Variants in REEP5 observed in about 807,000 individuals in gnomAD.
REEP5 encodes receptor accessory protein 5, also known as receptor expression-enhancing protein 5.
In REEP5, 24 loss-of-function variants were observed where a neutral mutation model predicts 22.4. The observed-to-expected ratio is 1.07, with a 90% CI of 0.78 to 1.51. The LOEUF (loss-of-function observed/expected upper bound fraction) is 1.51. REEP5 is among the 40% of genes most tolerant of loss of function. The pLI is 0.00. For synonymous variants in REEP5, 103 were observed against 88.6 expected (o/e 1.16, Z -0.92); for missense variants, 252 against 233.0 (o/e 1.08, Z -0.53).
intron 2 of REEP5, among the ~76,000 whole-genome samples, chr5:112,907,558 CTG>C (rs989377518): frequency 3.3e-5 from 5 of 152,142 alleles, no homozygotes; most frequent in African/African-American, 1.2e-4. Flanking sequence ...GTTGGCAAAA[CTG>C]TGGCAGCAGC....
intron 2 of REEP5, among the ~76,000 whole-genome samples, chr5:112,919,589 A>C (rs867832446): frequency 2.6e-5 from 4 of 152,260 alleles, no homozygotes; most frequent in African/African-American, 9.6e-5. Flanking sequence ...AACAGGCATG[A>C]GAGCTCTGCC....
chr5:112,891,817 GAAC>G (rs759338936), intron 3 of REEP5: 14 of 1,588,946 alleles, frequency 8.8e-6, no homozygotes, highest in African/African-American at 2.7e-5. Flanking sequence ...TTTTATTGAA[GAAC>G]AACAACTAGA....
Position 112,877,317 on chromosome 5 carries a change from A to T in REEP5, c.*1469T>A, listed in dbSNP as rs1767927857. 1 of 152,218 alleles carries T rather than the reference A, an allele frequency of 6.6e-6. No individual in the cohort carries two copies. The allele number at this position is 152,218 out of a possible 1,614,324, so 9.4% of individuals were successfully genotyped here. ...TAATCATCTTTATTTGCCTTAAAAA[A>T]TACTGTACTGGCTGGATATTTAATC... On this transcript the variant is annotated 3_prime_UTR_variant, in exon 5 of 5. Transcript: ENST00000379638.
intron 3 of REEP5, among the ~76,000 whole-genome samples, chr5:112,891,212 A>G (rs1166217697): frequency 1.3e-5 from 2 of 152,082 alleles, no homozygotes; most frequent in Non-Finnish European, 2.9e-5. Context: ...AGCTGGGATT[A>G]CAGGCACGTG....
At position 112,877,312 on chromosome 5, in the gene REEP5, A is replaced by T. The variant is rs959664439; in HGVS notation, c.*1474T>A. The T allele has an allele frequency of 6.6e-6, 1 of 152,136 alleles. No individual in the cohort carries two copies. The highest frequency in any genetic ancestry group is 1.5e-5 in the Non-Finnish European group (1 of 68,034). The allele number at this position is 152,136 out of a possible 1,614,324, so 9.4% of individuals were successfully genotyped here. Reference sequence around the variant, plus strand: ...TGAGCTAATCATCTTTATTTGCCTTAAAAAATACTGTACTGGCTGGATATT... The same window carrying T: ...TGAGCTAATCATCTTTATTTGCCTTTAAAAATACTGTACTGGCTGGATATT... On this transcript the variant is annotated 3_prime_UTR_variant, in exon 5 of 5. Coordinates refer to ENST00000379638, the MANE Select transcript of REEP5 (RefSeq NM_005669.5).
At chr5:112,881,083 C>G (rs1292718843) in intron 4 of REEP5, among the ~76,000 whole-genome samples, 2 of 124,604 alleles carry the variant, frequency 1.6e-5, no homozygotes, top group African/African-American at 6.3e-5. Context: ...GAGCTGAGAT[C>G]ATGCTACTGC....
intron 2 of REEP5, among the ~76,000 whole-genome samples, chr5:112,917,097 G>A (rs1769247535): frequency 6.6e-6 from 1 of 152,200 alleles, no homozygotes; most frequent in Non-Finnish European, 1.5e-5. Context: ...TTTCAAAAGT[G>A]TTGTTAAAGA....
In REEP5 at chr5:112,886,998, T is replaced by C. The variant is rs753959246; in HGVS notation, c.520+17A>G. ...ATCTCCTCTCACATGTGGGGCCATC[T>C]TGTTCCTGAGTCTTACCTTCTTTAG... On this transcript the variant is annotated intron_variant, in intron 4 of 4. Transcript: ENST00000379638. The C allele has an allele frequency of 6.3e-6, 10 of 1,575,640 alleles. No individual in the cohort carries two copies. The East Asian group carries it at 1.8e-4, about 29-fold the overall frequency.
At chr5:112,904,854 T>G (rs1768920047) in intron 2 of REEP5, among the ~76,000 whole-genome samples, 1 of 152,188 alleles carries the variant, frequency 6.6e-6, no homozygotes, top group African/African-American at 2.4e-5. Flanking sequence ...AATTCATATC[T>G]ACAATATGAA....
chr5:112,917,595 G>A (rs1463192652), intron 2 of REEP5, among the ~76,000 whole-genome samples: 2 of 152,024 alleles, frequency 1.3e-5, no homozygotes, highest in Non-Finnish European at 2.9e-5. Context: ...TTTGTACAAA[G>A]GAGCAAGTAC....
In REEP5 at chr5:112,921,235, A is replaced by T. The variant is rs1299487950; in HGVS notation, c.140T>A (p.Leu47Ter). 1 of 1,614,066 alleles carries T rather than the reference A, an allele frequency of 6.2e-7. No homozygotes were observed. The highest frequency in any genetic ancestry group is 2.2e-5 in the East Asian group (1 of 44,892). The change falls in exon 2 of 5, where the codon TTG (leucine) becomes TAG (stop). Residue 47 changes from leucine to a stop codon, truncating the protein, a stop_gained. Coordinates refer to ENST00000379638, the MANE Select transcript of REEP5 (RefSeq NM_005669.5). LOFTEE classifies it high-confidence loss of function. ...GGCTCCATAACCGAACACCAGGTAC[A>T]AGGCCACCAGTCCGATGACACCTGG... ...IALGVIGLVA[L>*]YLVFGYGASL... is the part of the protein sequence containing the mutation.
intron 3 of REEP5, among the ~76,000 whole-genome samples, chr5:112,887,425 G>A (rs1031446456): frequency 3.9e-5 from 6 of 152,196 alleles, no homozygotes; most frequent in Admixed American, 3.3e-4. Flanking sequence ...CCAGGTCCAG[G>A]AGCTTAACTA....
intron 4 of REEP5, among the ~76,000 whole-genome samples, chr5:112,884,858 GCCTA>G (rs1200552250): frequency 6.7e-6 from 1 of 149,912 alleles, no homozygotes; most frequent in Non-Finnish European, 1.5e-5. Context: ...CAATTTTACT[GCCTA>G]TCTCTCAACT....
At chr5:112,921,093 G>T (rs1221779263) in intron 2 of REEP5, 70 bp downstream of exon 2, 40 of 1,457,554 alleles carry the variant, frequency 2.7e-5, no homozygotes. Context: ...CGGATGTGCA[G>T]TCTACTGCAG....
chr5:112,900,898 T>C (rs1768825508), intron 3 of REEP5, among the ~76,000 whole-genome samples: 1 of 151,980 alleles, frequency 6.6e-6, no homozygotes, highest in Non-Finnish European at 1.5e-5. Context: ...AGTGCAGTAG[T>C]GTGATCTCGG....
chr5:112,888,539 C>T (rs74665787), intron 3 of REEP5, among the ~76,000 whole-genome samples: 4,071 of 150,068 alleles, frequency 0.027, 155 homozygotes, highest in East Asian at 0.13. Flanking sequence ...CTTCCCACAG[C>T]CTCCCAAGTA....
intron 2 of REEP5, among the ~76,000 whole-genome samples, chr5:112,915,532 TAA>T (rs997979422): frequency 1.3e-5 from 2 of 152,182 alleles, no homozygotes; most frequent in African/African-American, 4.8e-5. Context: ...ACAAGGACAG[TAA>T]AAAAGTTGAG....
At chr5:112,889,521 G>A (rs1018618815) in intron 3 of REEP5, among the ~76,000 whole-genome samples, 3 of 150,482 alleles carry the variant, frequency 2.0e-5, no homozygotes, top group Admixed American at 1.3e-4. Flanking sequence ...TTTGAAATAC[G>A]TAAATTATAT....
chr5:112,892,465 T>G (rs758839501), intron 3 of REEP5: 1 of 1,614,022 alleles, frequency 6.2e-7, no homozygotes, highest in African/African-American at 1.3e-5. Context: ...GGGCAATGTA[T>G]ATGTTCAGTA....
Sources: gnomAD v4.1 joint callset for allele counts (sites outside exome capture counted in the v4.1 genomes callset) on GRCh38, gnomAD v4.1.1 for gene constraint, MANE v1.5 for transcripts, NCBI Gene and HGNC (gene_info 2026-07-23, HGNC 2026-07-21) for gene names.